Variants in BMP2K observed in about 807,000 individuals in gnomAD.
The protein encoded by BMP2K is BMP2 inducible kinase.
A neutral mutation model predicts 116.0 loss-of-function variants in BMP2K; 74 were observed. The ratio of observed to expected loss-of-function variants is 0.64; its 90% confidence interval spans 0.53 to 0.77. The LOEUF (loss-of-function observed/expected upper bound fraction) is 0.77. BMP2K is among the 30% of genes least tolerant of loss of function. BMP2K has a pLI of 0.00. For missense variants in BMP2K, 1,365 were observed against 1,403.6 expected, an observed-to-expected ratio of 0.97 and a Z score of 0.44; for synonymous variants, 486 against 502.5, an observed-to-expected ratio of 0.97 and a Z score of 0.44.
chr4:78,896,651 T>TA (rs1369879207), intron 15 of BMP2K, among the ~76,000 whole-genome samples: 1 of 152,254 alleles, frequency 6.6e-6, no homozygotes, highest in African/African-American at 2.4e-5. Flanking sequence ...GACTAATATG[T>TA]CTACTTGATT....
chr4:78,848,463 G>T (rs1323143902), intron 6 of BMP2K, among the ~76,000 whole-genome samples: 5 of 151,324 alleles, frequency 3.3e-5, no homozygotes, highest in African/African-American at 1.2e-4. Context: ...GATTATGGAG[G>T]TCTTTTCTGG....
intron 1 of BMP2K, among the ~76,000 whole-genome samples, chr4:78,777,785 G>A (rs1727316031): frequency 1.3e-5 from 2 of 152,148 alleles, no homozygotes; most frequent in Non-Finnish European, 2.9e-5. Context: ...TTTTTGAAAT[G>A]CTATACACAA....
At chr4:78,778,009 A>G (rs1477783194) in intron 1 of BMP2K, among the ~76,000 whole-genome samples, 1 of 152,230 alleles carries the variant, frequency 6.6e-6, no homozygotes, top group Admixed American at 6.5e-5. Context: ...TAAAAGATTT[A>G]CTATACTATA....
At chr4:78,859,423 G>A in intron 7 of BMP2K, 161 bp from the exon 8 acceptor site, 1 of 482,404 alleles carries the variant, frequency 2.1e-6, no homozygotes, top group South Asian at 4.1e-5. Context: ...TTATAAAATA[G>A]CAATTTCTGC....
chr4:78,835,846 G>A (rs923798031), intron 3 of BMP2K, among the ~76,000 whole-genome samples: 1 of 152,102 alleles, frequency 6.6e-6, no homozygotes, highest in African/African-American at 2.4e-5. Flanking sequence ...ATCAAGGGAA[G>A]TATATAATTC....
intron 2 of BMP2K, among the ~76,000 whole-genome samples, chr4:78,830,224 TA>T (rs1278121829): frequency 1.3e-5 from 2 of 152,198 alleles, no homozygotes; most frequent in Non-Finnish European, 2.9e-5. Context: ...CATGGGTGAC[TA>T]GGTACGTTGT....
At chr4:78,804,522 A>C (rs1728728140) in intron 1 of BMP2K, among the ~76,000 whole-genome samples, 1 of 152,140 alleles carries the variant, frequency 6.6e-6, no homozygotes, top group African/African-American at 2.4e-5. Flanking sequence ...ATTTTTCCAT[A>C]ATGGTTGCAC....
At position 78,911,004 on chromosome 4, in the gene BMP2K, C is replaced by T. The variant is rs141925664; in HGVS notation, c.2457C>T (p.Val819=). The T allele has an allele frequency of 1.9e-3, 3,127 of 1,613,648 alleles. 2 individuals carry two copies. The highest frequency in any genetic ancestry group is 2.3e-3 in the Non-Finnish European group (2,731 of 1,179,826). Residue 819 remains valine (V), a synonymous_variant, in exon 16 of 16, where the codon GTC becomes GTT. Coordinates refer to ENST00000502613, the MANE Select transcript of BMP2K (RefSeq NM_198892.2). ...CAAAGTACAGTGACATGAGCTCTGT[C>T]TACAGAGACAGATCTGGCAGTGGAC... ...AKAKYSDMSS[V]YRDRSGSGPT...
chr4:78,790,700 G>A (rs879043437), intron 1 of BMP2K, among the ~76,000 whole-genome samples: 3 of 152,038 alleles, frequency 2.0e-5, no homozygotes, highest in Non-Finnish European at 2.9e-5. Flanking sequence ...GTGTCTGTAC[G>A]TTTTTCTGAG....
In BMP2K at chr4:78,865,647, G is replaced by A; in HGVS notation, c.1158G>A (p.Val386=). The change falls in exon 10 of 16, where the codon GTG becomes GTA. Residue 386 remains valine, a synonymous_variant. Coordinates refer to ENST00000502613, the MANE Select transcript of BMP2K (RefSeq NM_198892.2). ...ANSATTATPS[V]LTIQSSATPV... ...CTGCTACTACTGCCACTCCCAGTGT[G>A]CTGACCATTCAAAGTTCAGCAACAC... 1 of 1,614,082 alleles carries A rather than the reference G, an allele frequency of 6.2e-7. No individual in the cohort carries two copies. Among genetic ancestry groups the A allele is most frequent in the South Asian group, 1.1e-5 (1 of 91,072 alleles).
At chr4:78,845,342 T>A (rs182723162) in intron 5 of BMP2K, among the ~76,000 whole-genome samples, 46 of 151,722 alleles carry the variant, frequency 3.0e-4, no homozygotes, top group Non-Finnish European at 5.9e-4. Context: ...TTGAATTCAG[T>A]TAAACATCTT....
intron 15 of BMP2K, among the ~76,000 whole-genome samples, chr4:78,906,826 T>C (rs1486637552): frequency 6.6e-6 from 1 of 152,202 alleles, no homozygotes; most frequent in Admixed American, 6.5e-5. Context: ...TCAGGCACCG[T>C]TCTAAGTCCT....
Position 78,812,367 on chromosome 4 carries a change from A to C in BMP2K, c.179-13670A>C, listed in dbSNP as rs557252435. Among the ~76,000 whole-genome samples, 311 of 152,302 alleles carry C rather than the reference A, an allele frequency of 2.0e-3. 4 individuals carry two copies. The highest frequency in any genetic ancestry group is 0.018 in the Admixed American group (277 of 15,298). On this transcript the variant is annotated intron_variant, in intron 1 of 15. Transcript: ENST00000502613. ...CTTAAAAACTAAGCTACAAATAAGG[A>C]TAATGCCCAAATACATATCTCTTGT...
intron 1 of BMP2K, among the ~76,000 whole-genome samples, chr4:78,778,638 C>G (rs746336622): frequency 6.6e-6 from 1 of 152,206 alleles, no homozygotes; most frequent in African/African-American, 2.4e-5. Context: ...CTGGAATTGT[C>G]TATGTATAAT....
intron 10 of BMP2K, among the ~76,000 whole-genome samples, chr4:78,869,110 C>G (rs1381406315): frequency 6.6e-6 from 1 of 152,166 alleles, no homozygotes; most frequent in Non-Finnish European, 1.5e-5. Context: ...CTGCAGCAAA[C>G]TTTTGCTTGC....
intron 1 of BMP2K, among the ~76,000 whole-genome samples, chr4:78,799,042 CACAG>C (rs1475009150): frequency 6.6e-6 from 1 of 152,092 alleles, no homozygotes; most frequent in African/African-American, 2.4e-5. Context: ...CTTTCTACTC[CACAG>C]ACAAATTAAT....
In BMP2K at chr4:78,802,821, A is replaced by C. The variant is rs181629054; in HGVS notation, c.179-23216A>C. On this transcript the variant is annotated intron_variant, in intron 1 of 15. Transcript: ENST00000502613. ...CTCTGCACCATTATTATATAATCGA[A>C]TCAGCATTTATAATCTTTTTTTTTT... 4.4e-4 allele frequency among the ~76,000 whole-genome samples: 67 copies of C among 150,856 alleles called. No individual in the cohort carries two copies. In the East Asian group the frequency reaches 7.0e-3, roughly 16 times the overall value.
intron 13 of BMP2K, among the ~76,000 whole-genome samples, chr4:78,877,555 C>T (rs1290762820): frequency 6.6e-6 from 1 of 152,162 alleles, no homozygotes; most frequent in African/African-American, 2.4e-5. Context: ...AGGCATGGAG[C>T]TGTCATCTCC....
chr4:78,824,236 A>G (rs1729765347), intron 1 of BMP2K, among the ~76,000 whole-genome samples: 1 of 152,212 alleles, frequency 6.6e-6, no homozygotes, highest in African/African-American at 2.4e-5. Context: ...ATCTGGAAAG[A>G]GTATGTACTG....
Sources: allele counts gnomAD v4.1 joint callset (sites outside exome capture counted in the v4.1 genomes callset), GRCh38; gene constraint gnomAD v4.1.1; transcripts MANE v1.5; gene names NCBI Gene and HGNC (gene_info 2026-07-23, HGNC 2026-07-21).